The following ATL2 variants were observed in gnomAD, a reference collection of about 807,000 sequenced individuals.
ATL2 encodes the protein atlastin-2.
A neutral mutation model predicts 73.9 loss-of-function variants in ATL2; 31 were observed. The ratio of observed to expected loss-of-function variants is 0.42; its 90% confidence interval spans 0.32 to 0.57. The LOEUF (loss-of-function observed/expected upper bound fraction) is 0.57, where lower values mean the gene tolerates loss of function less well. Among genes scored for constraint, ATL2 ranks in the 20% least tolerant of loss-of-function variants. ATL2 has a pLI of 0.14. For missense variants in ATL2, 738 were observed against 702.6 expected (o/e 1.05, Z -0.57); for synonymous variants, 291 against 237.5 (o/e 1.23, Z -2.07).
chr2:38,297,940 G>T (rs1254261515), intron 12 of ATL2: 5 of 555,530 alleles, frequency 9.0e-6, no homozygotes, highest in African/African-American at 5.7e-5. Context: ...GGATAGTACA[G>T]ATTTAGGCTA....
At chr2:38,344,609 C>CA (rs1450974830) in intron 1 of ATL2, among the ~76,000 whole-genome samples, 1 of 151,722 alleles carries the variant, frequency 6.6e-6, no homozygotes, top group African/African-American at 2.4e-5. Flanking sequence ...GTCTCAGTCT[C>CA]AAAAAACAAA....
chr2:38,298,237 T>C lies in ATL2; in HGVS notation c.1539A>G (p.Ile513Met), dbSNP rs776634028. The change falls in exon 12 of 13, where the codon ATA becomes ATG. Residue 513 changes from isoleucine (I) to methionine (M), a missense_variant. Coordinates refer to ENST00000378954, the MANE Select transcript of ATL2 (RefSeq NM_001135673.4). ...LCNLVMGLAL[I>M]FLCTWAYVKY... The stretch of plus-strand genomic sequence containing the variant: ...TAACATATGCCCAAGTACAAAGAAA[T>C]ATCAGTGCTAACCCCATGACAAGGT... 6.2e-7 allele frequency: 1 copy of C among 1,614,060 alleles called. No homozygotes were observed. Among genetic ancestry groups the C allele is most frequent in the East Asian group, 2.2e-5 (1 of 44,884 alleles).
At chr2:38,327,108 C>T (rs1368375608) in intron 2 of ATL2, among the ~76,000 whole-genome samples, 1 of 151,650 alleles carries the variant, frequency 6.6e-6, no homozygotes, top group Non-Finnish European at 1.5e-5. Flanking sequence ...GTAAAGTTAT[C>T]CTACAAAAGA....
chr2:38,323,942 T>A (rs1668462420), intron 2 of ATL2, among the ~76,000 whole-genome samples: 1 of 152,082 alleles, frequency 6.6e-6, no homozygotes, highest in Admixed American at 6.6e-5. Context: ...AAGCCATAAA[T>A]CATCACAACT....
intron 1 of ATL2, among the ~76,000 whole-genome samples, chr2:38,373,554 G>C (rs936375950): frequency 6.6e-6 from 1 of 152,196 alleles, no homozygotes; most frequent in Admixed American, 6.5e-5. Context: ...TGACTTAAAA[G>C]TTGTTTCTAG....
At chr2:38,335,894 G>T (rs1366415049) in intron 2 of ATL2, among the ~76,000 whole-genome samples, 2 of 152,086 alleles carry the variant, frequency 1.3e-5, no homozygotes, top group African/African-American at 4.8e-5. Context: ...CAAAAAACTA[G>T]CAGGGCATGG....
chr2:38,319,231 T>C (rs1321278978), intron 2 of ATL2, among the ~76,000 whole-genome samples: 1 of 152,210 alleles, frequency 6.6e-6, no homozygotes, highest in Non-Finnish European at 1.5e-5. Flanking sequence ...AACTCGAATC[T>C]TCTCAAATCA....
At chr2:38,314,098 T>C (rs1446190605) in intron 6 of ATL2, among the ~76,000 whole-genome samples, 1 of 152,176 alleles carries the variant, frequency 6.6e-6, no homozygotes, top group African/African-American at 2.4e-5. Flanking sequence ...GGAGCAAACA[T>C]GGTAGAGTCA....
chr2:38,373,174 C>G (rs56030080), intron 1 of ATL2, among the ~76,000 whole-genome samples: 8,720 of 152,170 alleles, frequency 0.057, 827 homozygotes, highest in African/African-American at 0.2. Context: ...TCATTTGATT[C>G]CTCATTCTTT....
At chr2:38,327,764 C>T (rs183587519) in intron 2 of ATL2, among the ~76,000 whole-genome samples, 68 of 152,178 alleles carry the variant, frequency 4.5e-4, no homozygotes, top group Admixed American at 4.4e-3. Context: ...GGGGAAACCC[C>T]GTCTCTATTC....
intron 12 of ATL2, chr2:38,296,806 AT>A: frequency 6.8e-7 from 1 of 1,479,506 alleles, no homozygotes; most frequent in South Asian, 1.3e-5. Flanking sequence ...ACTGAAAATG[AT>A]TTTATACACT....
Position 38,318,500 on chromosome 2 carries a change from G to T in ATL2, c.603+35C>A, listed in dbSNP as rs559911152. On this transcript the variant is annotated intron_variant, in intron 4 of 12. Transcript: ENST00000378954. ...AAAAAAAAAGGGGCCAAATGATTAC[G>T]TGAACTGATCGCACCACTTAATCTT... 2.0e-5 allele frequency: 29 copies of T among 1,462,638 alleles called. No individual in the cohort carries two copies. In the Admixed American group the frequency reaches 3.2e-4, roughly 16 times the overall value. 90.6% of individuals were successfully genotyped at this position (1,462,638 alleles called of 1,614,324 possible). A position where few individuals can be genotyped will look rare whatever the true frequency, so the allele number is the denominator to read the frequency against.
At chr2:38,297,508 C>G (rs1666958692) in intron 12 of ATL2, among the ~76,000 whole-genome samples, 1 of 152,180 alleles carries the variant, frequency 6.6e-6, no homozygotes, top group African/African-American at 2.4e-5. Flanking sequence ...TACTTGCAGG[C>G]AAGAGTTCAC....
chr2:38,354,882 CTCTT>C (rs1670571570), intron 1 of ATL2, among the ~76,000 whole-genome samples: 1 of 151,968 alleles, frequency 6.6e-6, no homozygotes, highest in South Asian at 2.1e-4. Flanking sequence ...AAGAGCGAAA[CTCTT>C]TCTCAAAAAC....
intron 1 of ATL2, among the ~76,000 whole-genome samples, chr2:38,355,306 T>C (rs376943784): frequency 3.9e-5 from 6 of 152,148 alleles, no homozygotes; most frequent in African/African-American, 1.4e-4. Context: ...TCTGTATTTT[T>C]AGTAGAGACA....
At chr2:38,367,516 GA>G (rs2124486425) in intron 1 of ATL2, among the ~76,000 whole-genome samples, 1 of 121,208 alleles carries the variant, frequency 8.3e-6, no homozygotes. Context: ...TGAGGCAGGA[GA>G]ATACCATGAA....
chr2:38,339,665 T>A (rs996927471), intron 2 of ATL2, among the ~76,000 whole-genome samples: 1 of 152,062 alleles, frequency 6.6e-6, no homozygotes, highest in Non-Finnish European at 1.5e-5. Context: ...TGTGGCATAA[T>A]CATACAGCAG....
In ATL2 at chr2:38,343,213, G is replaced by T. The variant is rs986042190; in HGVS notation, c.363+55C>A. ...CTGGTTTTTGTCTATTTTTTTAACA[G>T]GCATGGTTGGTACTTTTTTCTTTTT... On this transcript the variant is annotated intron_variant, in intron 2 of 12. Transcript: ENST00000378954. 2.2e-6 allele frequency: 3 copies of T among 1,383,954 alleles called. No individual in the cohort carries two copies. In the African/African-American group the frequency reaches 4.6e-5, roughly 21 times the overall value. 85.7% of individuals were successfully genotyped at this position (1,383,954 alleles called of 1,614,324 possible).
chr2:38,360,232 C>G (rs571362288), intron 1 of ATL2, among the ~76,000 whole-genome samples: 2 of 146,752 alleles, frequency 1.4e-5, no homozygotes, highest in Non-Finnish European at 3.0e-5. Flanking sequence ...TCAGGAGATT[C>G]TAGAATAAGC....
Sources: gnomAD v4.1 joint callset for allele counts (sites outside exome capture counted in the v4.1 genomes callset) on GRCh38, gnomAD v4.1.1 for gene constraint, MANE v1.5 for transcripts, NCBI Gene and HGNC (gene_info 2026-07-23, HGNC 2026-07-21) for gene names.